The following P4HA1 variants were observed in gnomAD, a reference collection of about 807,000 sequenced individuals.
P4HA1 encodes prolyl 4-hydroxylase subunit alpha 1, also known as prolyl 4-hydroxylase subunit alpha-1.
A neutral mutation model predicts 72.8 loss-of-function variants in P4HA1; 24 were observed. That is an observed-to-expected ratio of 0.33 (90% CI 0.24 to 0.46). The LOEUF (loss-of-function observed/expected upper bound fraction) is 0.46, where lower values mean the gene tolerates loss of function less well. P4HA1 is among the 20% of genes least tolerant of loss of function. The probability of loss-of-function intolerance (pLI) is 1.00; values close to 1 mark genes in which losing one functional copy is unlikely to be tolerated. For missense variants in P4HA1, 446 were observed against 640.6 expected (o/e 0.70, Z 3.28); for synonymous variants, 201 against 218.8 (o/e 0.92, Z 0.72).
At chr10:73,041,488 C>A (rs897083802) in intron 9 of P4HA1, among the ~76,000 whole-genome samples, 2 of 150,888 alleles carry the variant, frequency 1.3e-5, no homozygotes, top group African/African-American at 2.5e-5. Flanking sequence ...TTGCAGTGAG[C>A]CAAGATTGCG....
chr10:73,059,423 TTAAAAAAAAAAAAAAAAAAA>T (rs1841250015), intron 5 of P4HA1, among the ~76,000 whole-genome samples: 2 of 47,580 alleles, frequency 4.2e-5, no homozygotes, highest in East Asian at 4.4e-4. Context: ...GACAATATAT[TTAAAAAAAAAAAAAAAAAAA>T]AAAAAAAAAA....
intron 10 of P4HA1, among the ~76,000 whole-genome samples, chr10:73,025,323 A>G (rs1169493082): frequency 6.6e-6 from 1 of 152,226 alleles, no homozygotes. Context: ...TACACAAATC[A>G]ATAAACGTAA....
chr10:73,029,660 T>C (rs1428837332), intron 10 of P4HA1, among the ~76,000 whole-genome samples: 1 of 151,638 alleles, frequency 6.6e-6, no homozygotes, highest in Non-Finnish European at 1.5e-5. Flanking sequence ...TTTTTACTAT[T>C]GAAACCAAGT....
At chr10:73,093,999 A>ACAAGATT in intron 1 of P4HA1, among the ~76,000 whole-genome samples, 1 of 149,112 alleles carries the variant, frequency 6.7e-6, no homozygotes, top group East Asian at 2.0e-4. Context: ...TGGTTTAATT[A>ACAAGATT]CAAGATTCAA....
intron 14 of P4HA1, among the ~76,000 whole-genome samples, chr10:73,009,442 A>C (rs1021817634): frequency 2.0e-5 from 3 of 152,210 alleles, no homozygotes; most frequent in African/African-American, 7.2e-5. Flanking sequence ...AGCTTTGAAG[A>C]AGACTCCCCA....
intron 3 of P4HA1, among the ~76,000 whole-genome samples, chr10:73,072,927 TG>T (rs1423648664): frequency 6.6e-6 from 1 of 152,058 alleles, no homozygotes; most frequent in African/African-American, 2.4e-5. Flanking sequence ...CCCAGCACTC[TG>T]GGAGGCTGAG....
At chr10:73,056,862 C>G (rs898447694) in intron 5 of P4HA1, among the ~76,000 whole-genome samples, 3 of 151,164 alleles carry the variant, frequency 2.0e-5, no homozygotes, top group Non-Finnish European at 4.4e-5. Context: ...AGATTGAGAC[C>G]ATCCTGGCTA....
intron 11 of P4HA1, 30 bp downstream of exon 11, chr10:73,016,816 A>G: frequency 2.6e-6 from 4 of 1,515,818 alleles, no homozygotes; most frequent in Non-Finnish European, 3.7e-6. Context: ...CATAAGCCTC[A>G]GTGAATTTCT....
Position 73,059,621 on chromosome 10 carries a change from T to C in P4HA1, c.464-6031A>G, listed in dbSNP as rs565466539. 3.1e-3 allele frequency among the ~76,000 whole-genome samples: 461 copies of C among 150,928 alleles called. 3 individuals are homozygous for C. Among genetic ancestry groups the C allele is most frequent in the African/African-American group, 0.01 (423 of 41,322 alleles). ...AGCCGGGCATGGTGGCGGGCGCCTA[T>C]AGTGCCAGCTACTCAGGAGGCTGAG... On this transcript the variant is annotated intron_variant, in intron 5 of 14. Coordinates refer to ENST00000394890, the MANE Select transcript of P4HA1 (RefSeq NM_001017962.3).
At chr10:73,068,103 A>G (rs184796818) in intron 5 of P4HA1, among the ~76,000 whole-genome samples, 130 of 152,342 alleles carry the variant, frequency 8.5e-4, no homozygotes, top group African/African-American at 3.1e-3. Flanking sequence ...TTCCAGCTTA[A>G]CAGAAATTTT....
At chr10:73,067,807 C>T (rs551897394) in intron 5 of P4HA1, among the ~76,000 whole-genome samples, 8 of 152,134 alleles carry the variant, frequency 5.3e-5, no homozygotes, top group Admixed American at 5.2e-4. Flanking sequence ...TTTTGATGTG[C>T]TCATATGGTA....
At chr10:73,095,179 GT>G (rs1370855429) in intron 1 of P4HA1, among the ~76,000 whole-genome samples, 13 of 106,822 alleles carry the variant, frequency 1.2e-4, no homozygotes. Context: ...AAAGAAAAAA[GT>G]AAAATTTGAA....
chr10:73,088,942 T>G (rs964355050), intron 1 of P4HA1, among the ~76,000 whole-genome samples: 4 of 152,244 alleles, frequency 2.6e-5, no homozygotes, highest in Non-Finnish European at 5.9e-5. Flanking sequence ...ACTTTGTTAT[T>G]CTTTTTCAAA....
At chr10:73,037,611 A>T (rs1209502599) in intron 9 of P4HA1, among the ~76,000 whole-genome samples, 3 of 130,426 alleles carry the variant, frequency 2.3e-5, no homozygotes, top group Non-Finnish European at 3.2e-5. Flanking sequence ...AAGATAAGTC[A>T]CACCCCAAAG....
chr10:73,047,793 T>C (rs552756463), intron 7 of P4HA1, among the ~76,000 whole-genome samples: 2 of 152,296 alleles, frequency 1.3e-5, no homozygotes, highest in South Asian at 2.1e-4. Flanking sequence ...CTCATGCCTA[T>C]AACCCCAGCA....
chr10:73,068,267 T>G (rs1348432552), intron 5 of P4HA1, among the ~76,000 whole-genome samples: 3 of 152,176 alleles, frequency 2.0e-5, no homozygotes, highest in Non-Finnish European at 4.4e-5. Context: ...GACAACATAT[T>G]TTATTTCTGC....
intron 10 of P4HA1, among the ~76,000 whole-genome samples, chr10:73,028,906 G>A (rs150122616): frequency 1.8e-4 from 27 of 150,188 alleles, no homozygotes; most frequent in African/African-American, 5.9e-4. Context: ...TTAGCTAGCC[G>A]TGGCGGCATG....
chr10:73,061,797 C>G (rs572630807), intron 5 of P4HA1, among the ~76,000 whole-genome samples: 9 of 152,060 alleles, frequency 5.9e-5, no homozygotes, highest in Admixed American at 4.6e-4. Flanking sequence ...TTACAAAGAC[C>G]TACTTGAGGC....
At chr10:73,045,367 A>G (rs903565093) in intron 8 of P4HA1, among the ~76,000 whole-genome samples, 2 of 152,122 alleles carry the variant, frequency 1.3e-5, no homozygotes, top group African/African-American at 4.8e-5. Context: ...TTGAAGTCTA[A>G]TTTACAGTTA....
Sources: gnomAD v4.1 joint callset for allele counts (sites outside exome capture counted in the v4.1 genomes callset) on GRCh38, gnomAD v4.1.1 for gene constraint, MANE v1.5 for transcripts, NCBI Gene and HGNC (gene_info 2026-07-23, HGNC 2026-07-21) for gene names.